TEAD1: variants seen among roughly 807,000 people sequenced by gnomAD.
The protein encoded by TEAD1 is transcriptional enhancer factor TEF-1.
In TEAD1, 9 loss-of-function variants were observed where a neutral mutation model predicts 54.9. That is an observed-to-expected ratio of 0.16 (90% CI 0.10 to 0.29). The LOEUF is 0.29. Ranked by LOEUF, TEAD1 falls within the 10% of genes least tolerant of loss-of-function variation. The pLI, the probability that TEAD1 is intolerant of heterozygous loss-of-function variation, is 1.00. For missense variants in TEAD1, 387 were observed against 535.9 expected (o/e 0.72, Z 2.74); for synonymous variants, 200 against 187.8 (o/e 1.07, Z -0.53).
chr11:12,752,601 T>C (rs1944898322), intron 2 of TEAD1, among the ~76,000 whole-genome samples: 1 of 152,194 alleles, frequency 6.6e-6, no homozygotes, highest in South Asian at 2.1e-4. Context: ...CTTGCAGTTG[T>C]CATTTATTTA....
intron 3 of TEAD1, among the ~76,000 whole-genome samples, chr11:12,793,063 A>T (rs1465196730): frequency 6.8e-6 from 1 of 146,466 alleles, no homozygotes; most frequent in Non-Finnish European, 1.5e-5. Context: ...TTGTCTCTTT[A>T]AAAAAACAAA....
chr11:12,678,770 C>T (rs1943151049), intron 2 of TEAD1, among the ~76,000 whole-genome samples: 1 of 152,148 alleles, frequency 6.6e-6, no homozygotes, highest in African/African-American at 2.4e-5. Context: ...GCTGTGAACT[C>T]TTGAGTGTCC....
Position 12,712,274 on chromosome 11 carries a change from A to T in TEAD1, c.-55+36713A>T, listed in dbSNP as rs560136431. Among the ~76,000 whole-genome samples the T allele has an allele frequency of 2.6e-5, 4 of 152,266 alleles. No individual in the cohort carries two copies. In the East Asian group the frequency reaches 7.7e-4, roughly 29 times the overall value. The stretch of plus-strand genomic sequence containing the variant: ...CTTAGTACTCAGGATATAAAAATAA[A>T]TTGCCAAGGGACTCTCAGTTTTCTT... On this transcript the variant is annotated intron_variant, in intron 2 of 12. Coordinates refer to ENST00000527636, the MANE Select transcript of TEAD1 (RefSeq NM_021961.6).
chr11:12,777,222 T>G (rs1945444425), intron 3 of TEAD1, among the ~76,000 whole-genome samples: 1 of 152,198 alleles, frequency 6.6e-6, no homozygotes, highest in African/African-American at 2.4e-5. Flanking sequence ...AAAAAATTTT[T>G]TCTTTATTGC....
chr11:12,825,613 T>C (rs1045388195), intron 3 of TEAD1, among the ~76,000 whole-genome samples: 1 of 152,342 alleles, frequency 6.6e-6, no homozygotes, highest in African/African-American at 2.4e-5. Flanking sequence ...GCAATCCTTA[T>C]ACAATTTTAG....
At chr11:12,884,843 G>A (rs542214711) in intron 9 of TEAD1, among the ~76,000 whole-genome samples, 13 of 152,302 alleles carry the variant, frequency 8.5e-5, no homozygotes, top group African/African-American at 2.9e-4. Flanking sequence ...TAGGTGGAAG[G>A]CATTAAGACA....
At chr11:12,704,929 A>C (rs1167256682) in intron 2 of TEAD1, among the ~76,000 whole-genome samples, 1 of 152,244 alleles carries the variant, frequency 6.6e-6, no homozygotes, top group African/African-American at 2.4e-5. Context: ...ATTTATGCTA[A>C]TGAAAACATA....
intron 2 of TEAD1, among the ~76,000 whole-genome samples, chr11:12,748,754 C>T (rs933464799): frequency 2.0e-5 from 3 of 150,850 alleles, no homozygotes; most frequent in South Asian, 2.1e-4. Context: ...TGTGGGGAGG[C>T]GGGGGACAGC....
At chr11:12,745,882 T>G (rs905954428) in intron 2 of TEAD1, among the ~76,000 whole-genome samples, 5 of 152,252 alleles carry the variant, frequency 3.3e-5, no homozygotes, top group African/African-American at 9.6e-5. Flanking sequence ...ATTCACAGCT[T>G]CTTTTGCACG....
chr11:12,724,201 G>T (rs74439975), intron 2 of TEAD1, among the ~76,000 whole-genome samples: 1 of 152,162 alleles, frequency 6.6e-6, no homozygotes, highest in African/African-American at 2.4e-5. Context: ...ACTCTCTTGG[G>T]TGTGCACGTA....
At chr11:12,923,832 A>C (rs1378528992) in intron 10 of TEAD1, among the ~76,000 whole-genome samples, 1 of 152,136 alleles carries the variant, frequency 6.6e-6, no homozygotes, top group African/African-American at 2.4e-5. Context: ...CCCATCCCAA[A>C]AGGCCTCACC....
chr11:12,728,086 A>C (rs1203934637), intron 2 of TEAD1, among the ~76,000 whole-genome samples: 1 of 152,128 alleles, frequency 6.6e-6, no homozygotes, highest in African/African-American at 2.4e-5. Context: ...TGGGAATGAG[A>C]CAGAATGCAG....
At chr11:12,806,067 T>C (rs1044567358) in intron 3 of TEAD1, among the ~76,000 whole-genome samples, 1 of 152,180 alleles carries the variant, frequency 6.6e-6, no homozygotes, top group African/African-American at 2.4e-5. Context: ...GCAAAGAGTG[T>C]CAGTGGAAGC....
At chr11:12,877,774 C>G (rs532741354) in intron 5 of TEAD1, among the ~76,000 whole-genome samples, 1 of 146,916 alleles carries the variant, frequency 6.8e-6, no homozygotes, top group Non-Finnish European at 1.5e-5. Context: ...CTCCCACCCT[C>G]CCTTTCTTCC....
At chr11:12,736,828 A>G (rs558019508) in intron 2 of TEAD1, among the ~76,000 whole-genome samples, 19 of 152,352 alleles carry the variant, frequency 1.2e-4, no homozygotes, top group African/African-American at 4.6e-4. Context: ...TAATTTTCTT[A>G]TAGGATCTCC....
chr11:12,695,397 G>T lies in TEAD1; in HGVS notation c.-55+19836G>T, dbSNP rs143751531. Among the ~76,000 whole-genome samples the T allele has an allele frequency of 3.0e-3, 460 of 152,292 alleles. 2 individuals carry two copies. Among genetic ancestry groups the T allele is most frequent in the African/African-American group, 0.01 (434 of 41,540 alleles). On this transcript the variant is annotated intron_variant, in intron 2 of 12. Transcript: ENST00000527636. ...AAACTTGGAGGAGATTTTTCCTTAT[G>T]TTAAGAGAGGTACAAATCCAGTTAT...
chr11:12,904,764 G>T, intron 10 of TEAD1: 1 of 228,002 alleles, frequency 4.4e-6, no homozygotes, highest in African/African-American at 2.3e-5. Flanking sequence ...AGAAAATATA[G>T]ATATAACCTG....
chr11:12,896,244 G>T (rs1948313366), intron 9 of TEAD1, among the ~76,000 whole-genome samples: 1 of 152,132 alleles, frequency 6.6e-6, no homozygotes, highest in African/African-American at 2.4e-5. Context: ...TCTCCAGATG[G>T]TGAGATATAA....
chr11:12,881,891 C>T lies in TEAD1; in HGVS notation c.513-5C>T. The T allele has an allele frequency of 6.2e-7, 1 of 1,614,136 alleles. No individual in the cohort carries two copies. Among genetic ancestry groups the T allele is most frequent in the Non-Finnish European group, 8.5e-7 (1 of 1,179,976 alleles). On this transcript the variant is annotated splice_region_variant and splice_polypyrimidine_tract_variant and intron_variant, in intron 7 of 12. Coordinates refer to ENST00000527636, the MANE Select transcript of TEAD1 (RefSeq NM_021961.6). ...TAACTCTGTCTGCCATCTCTCTGTT[C>T]CCAGCGTCAAGCCTTTTGTGCAGCA...
Sources: gnomAD v4.1 joint callset for allele counts (sites outside exome capture counted in the v4.1 genomes callset) on GRCh38, gnomAD v4.1.1 for gene constraint, MANE v1.5 for transcripts, NCBI Gene and HGNC (gene_info 2026-07-23, HGNC 2026-07-21) for gene names.